Variants in DYM observed in about 807,000 individuals in gnomAD.
DYM encodes the protein dymeclin.
Under a neutral mutation model 93.1 loss-of-function variants are expected in DYM, and 78 were observed. That is an observed-to-expected ratio of 0.84 (90% CI 0.70 to 1.01). The LOEUF (loss-of-function observed/expected upper bound fraction) is 1.01, where lower values mean the gene tolerates loss of function less well. Among genes scored for constraint, DYM ranks in the 50% least tolerant of loss-of-function variants. The pLI, the probability that DYM is intolerant of heterozygous loss-of-function variation, is 0.00. For missense variants in DYM, 789 were observed against 845.0 expected (o/e 0.93, Z 0.82); for synonymous variants, 321 against 319.7 (o/e 1.00, Z -0.04).
intron 15 of DYM, among the ~76,000 whole-genome samples, chr18:49,128,477 A>G (rs1343804188): frequency 6.6e-6 from 1 of 152,196 alleles, no homozygotes; most frequent in African/African-American, 2.4e-5. Context: ...CTTTTTTAAA[A>G]AAAGTCTTTG....
At chr18:49,421,575 A>G (rs1600125455) in intron 2 of DYM, among the ~76,000 whole-genome samples, 1 of 152,234 alleles carries the variant, frequency 6.6e-6, no homozygotes. Flanking sequence ...TGAAAATTCT[A>G]AAAATCAGAG....
At chr18:49,310,748 T>TA (rs2061542229) in intron 8 of DYM, among the ~76,000 whole-genome samples, 1 of 152,206 alleles carries the variant, frequency 6.6e-6, no homozygotes, top group Non-Finnish European at 1.5e-5. Context: ...ATGTTGCCTT[T>TA]ACATTAAAAA....
At chr18:49,387,346 G>A (rs905605291) in intron 3 of DYM, among the ~76,000 whole-genome samples, 5 of 151,902 alleles carry the variant, frequency 3.3e-5, no homozygotes, top group Admixed American at 6.6e-5. Flanking sequence ...TTGTGATCTC[G>A]GCTCACCGCA....
chr18:49,240,266 CT>C (rs964768409), intron 13 of DYM, among the ~76,000 whole-genome samples: 1 of 152,160 alleles, frequency 6.6e-6, no homozygotes, highest in Non-Finnish European at 1.5e-5. Flanking sequence ...GGTTCTTATA[CT>C]TTTCTCAGGG....
chr18:49,082,882 G>T (rs186471972), intron 17 of DYM, among the ~76,000 whole-genome samples: 11 of 152,322 alleles, frequency 7.2e-5, no homozygotes, highest in African/African-American at 2.4e-4. Context: ...AGTGGAAAAA[G>T]AATTTAGTCT....
At chr18:49,322,165 T>C (rs2062533867) in intron 8 of DYM, among the ~76,000 whole-genome samples, 2 of 152,126 alleles carry the variant, frequency 1.3e-5, no homozygotes, top group Non-Finnish European at 2.9e-5. Context: ...AAACACTCCT[T>C]TGGCCTTATA....
chr18:49,362,225 C>T (rs993373546), intron 6 of DYM, among the ~76,000 whole-genome samples: 1 of 151,962 alleles, frequency 6.6e-6, no homozygotes, highest in Admixed American at 6.6e-5. Context: ...AGGCCAGGCA[C>T]GGTGGCTCAC....
At chr18:49,423,861 C>T (rs908118826) in intron 2 of DYM, among the ~76,000 whole-genome samples, 8 of 152,090 alleles carry the variant, frequency 5.3e-5, no homozygotes, top group African/African-American at 1.4e-4. Flanking sequence ...AAGTTGAATC[C>T]CTGAATATAC....
chr18:49,248,969 G>C (rs2094227251), intron 13 of DYM, among the ~76,000 whole-genome samples: 1 of 152,158 alleles, frequency 6.6e-6, no homozygotes, highest in Admixed American at 6.5e-5. Context: ...GATAGATTGG[G>C]AGGCAGGTGG....
intron 15 of DYM, 95 bp from the exon 16 acceptor site, chr18:49,119,021 G>T: frequency 1.0e-6 from 1 of 1,004,092 alleles, no homozygotes; most frequent in Non-Finnish European, 1.5e-6. Flanking sequence ...AATTATAACA[G>T]CATTGGAAAG....
At chr18:49,238,131 C>T (rs1330265366) in intron 13 of DYM, among the ~76,000 whole-genome samples, 5 of 152,080 alleles carry the variant, frequency 3.3e-5, no homozygotes, top group Non-Finnish European at 5.9e-5. Context: ...AGGAGTTGTA[C>T]CAATTTACAC....
At chr18:49,292,355 GACACACACACACACAC>G (rs57025579) in intron 8 of DYM, among the ~76,000 whole-genome samples, 12 of 84,740 alleles carry the variant, frequency 1.4e-4, no homozygotes, top group African/African-American at 2.9e-4. Flanking sequence ...CAGACAGACA[GACACACACACACACAC>G]ACACACACAC....
At chr18:49,045,231 C>T (rs1341170304) in intron 17 of DYM, among the ~76,000 whole-genome samples, 1 of 152,194 alleles carries the variant, frequency 6.6e-6, no homozygotes, top group Non-Finnish European at 1.5e-5. Flanking sequence ...GGAAACCACA[C>T]ACTTCCCCAC....
chr18:49,451,333 C>A (rs1051918532), intron 1 of DYM, among the ~76,000 whole-genome samples: 1 of 152,170 alleles, frequency 6.6e-6, no homozygotes, highest in Non-Finnish European at 1.5e-5. Flanking sequence ...GCTATTTTAT[C>A]AAGGCTTTGA....
intron 13 of DYM, among the ~76,000 whole-genome samples, chr18:49,249,034 G>T (rs1405620409): frequency 6.6e-6 from 1 of 152,236 alleles, no homozygotes; most frequent in Non-Finnish European, 1.5e-5. Context: ...GGCTACCTTA[G>T]ATTGTAGAGA....
intron 17 of DYM, among the ~76,000 whole-genome samples, chr18:49,096,268 A>C (rs1384938892): frequency 2.0e-5 from 3 of 152,208 alleles, no homozygotes; most frequent in African/African-American, 4.8e-5. Flanking sequence ...GTACCGTGTG[A>C]ATCTCCCTGT....
intron 4 of DYM, among the ~76,000 whole-genome samples, 190 bp downstream of exon 4, chr18:49,379,475 T>C (rs1231126916): frequency 6.6e-6 from 1 of 152,154 alleles, no homozygotes; most frequent in Non-Finnish European, 1.5e-5. Flanking sequence ...GAAATCAGAT[T>C]CCCGAATCTA....
At chr18:49,339,226 A>G (rs2063898443) in intron 6 of DYM, among the ~76,000 whole-genome samples, 1 of 152,210 alleles carries the variant, frequency 6.6e-6, no homozygotes, top group South Asian at 2.1e-4. Flanking sequence ...CCATTCACAC[A>G]GACACACAGA....
At chr18:49,287,135 T>C (rs532562284) in intron 8 of DYM, among the ~76,000 whole-genome samples, 7 of 152,100 alleles carry the variant, frequency 4.6e-5, no homozygotes, top group African/African-American at 1.7e-4. Context: ...TGCAGTGAGC[T>C]GAGATCATGC....
Sources: allele counts gnomAD v4.1 joint callset (sites outside exome capture counted in the v4.1 genomes callset), GRCh38; gene constraint gnomAD v4.1.1; transcripts MANE v1.5; gene names NCBI Gene and HGNC (gene_info 2026-07-23, HGNC 2026-07-21).